The following ADAMTS12 variants were observed in gnomAD, a reference collection of about 807,000 sequenced individuals.
The protein encoded by ADAMTS12 is A disintegrin and metalloproteinase with thrombospondin motifs 12.
ADAMTS12 carries 118 observed loss-of-function variants against 167.8 expected under a neutral mutation model. The ratio of observed to expected loss-of-function variants is 0.70; its 90% CI spans 0.61 to 0.82. The LOEUF (loss-of-function observed/expected upper bound fraction) is 0.82. Among genes scored for constraint, ADAMTS12 ranks in the 40% least tolerant of loss-of-function variants. The probability of loss-of-function intolerance (pLI) is 0.00; values close to 1 mark genes in which losing one functional copy is unlikely to be tolerated. For missense variants in ADAMTS12, 1,916 were observed against 1,998.8 expected (o/e 0.96, Z 0.79); for synonymous variants, 704 against 716.9 (o/e 0.98, Z 0.29).
At chr5:33,715,356 G>C in intron 3 of ADAMTS12, among the ~76,000 whole-genome samples, 1 of 152,118 alleles carries the variant, frequency 6.6e-6, no homozygotes, top group East Asian at 1.9e-4. Flanking sequence ...TCAGACCTTA[G>C]CAAGTTTGGG....
Position 33,673,726 on chromosome 5 carries a change from C to A in ADAMTS12, c.915+9292G>T, listed in dbSNP as rs149953043. Among the ~76,000 whole-genome samples, 7 of 152,310 alleles carry A rather than the reference C, an allele frequency of 4.6e-5. No individual in the cohort carries two copies. In the East Asian group the frequency reaches 1.4e-3, roughly 29 times the overall value. On this transcript the variant is annotated intron_variant, in intron 5 of 23. Transcript: ENST00000504830. ...GAAGTCTAGCCTCCAGGAAGCTCTC[C>A]TTTCATTTGCAACCTCACGGTTTAT...
At chr5:33,731,866 A>G (rs1744207018) in intron 3 of ADAMTS12, among the ~76,000 whole-genome samples, 1 of 149,414 alleles carries the variant, frequency 6.7e-6, no homozygotes, top group Non-Finnish European at 1.5e-5. Context: ...ATATAGATAT[A>G]AGATTTATAG....
chr5:33,674,353 T>G lies in ADAMTS12; in HGVS notation c.915+8665A>C, dbSNP rs146683887. Among the ~76,000 whole-genome samples, 424 of 152,320 alleles carry G rather than the reference T, an allele frequency of 2.8e-3. 3 individuals are homozygous for G. The highest frequency in any genetic ancestry group is 9.7e-3 in the African/African-American group (405 of 41,578). Reference sequence around the variant, plus strand: ...TTCCAGTGCCTGTAATAGGAACTGCTAGTAGAAGATTCTACATGGGTGTCT... The same window carrying G: ...TTCCAGTGCCTGTAATAGGAACTGCGAGTAGAAGATTCTACATGGGTGTCT... On this transcript the variant is annotated intron_variant, in intron 5 of 23. Coordinates refer to ENST00000504830, the MANE Select transcript of ADAMTS12 (RefSeq NM_030955.4).
At chr5:33,738,935 GC>G (rs1561244687) in intron 3 of ADAMTS12, among the ~76,000 whole-genome samples, 8 of 152,326 alleles carry the variant, frequency 5.3e-5, no homozygotes, top group African/African-American at 1.9e-4. Flanking sequence ...AAGAAATGCA[GC>G]CAGGGTGCTG....
chr5:33,741,663 C>T (rs1209725079), intron 3 of ADAMTS12, among the ~76,000 whole-genome samples: 1 of 152,208 alleles, frequency 6.6e-6, no homozygotes, highest in East Asian at 1.9e-4. Context: ...GAGTCTCACT[C>T]TGTCGCCAGG....
At chr5:33,629,969 A>G (rs1407641097) in intron 13 of ADAMTS12, among the ~76,000 whole-genome samples, 1 of 152,296 alleles carries the variant, frequency 6.6e-6, no homozygotes. Flanking sequence ...ACCTAGGCAG[A>G]TACATAAAAA....
chr5:33,839,435 G>T (rs1336047959), intron 2 of ADAMTS12, among the ~76,000 whole-genome samples: 2 of 152,092 alleles, frequency 1.3e-5, no homozygotes, highest in African/African-American at 4.8e-5. Flanking sequence ...CACGCTAATT[G>T]GTGTGTGTCC....
intron 19 of ADAMTS12, among the ~76,000 whole-genome samples, chr5:33,563,046 T>G (rs909966633): frequency 6.6e-6 from 1 of 152,218 alleles, no homozygotes; most frequent in African/African-American, 2.4e-5. Context: ...AAGAGAAAAG[T>G]AGAAATTATT....
chr5:33,603,839 AC>A (rs1443449280), intron 16 of ADAMTS12: 8 of 152,230 alleles, frequency 5.3e-5, no homozygotes, highest in African/African-American at 1.9e-4. Flanking sequence ...AAACACGTAA[AC>A]AAAATTAGAT....
intron 23 of ADAMTS12, among the ~76,000 whole-genome samples, chr5:33,528,768 C>T (rs563712556): frequency 3.3e-5 from 5 of 152,168 alleles, no homozygotes; most frequent in Non-Finnish European, 5.9e-5. Flanking sequence ...GCTTCCGGGC[C>T]GGGCATGGTG....
rs5867210 is a variant in ADAMTS12, at chr5:33,751,284, TA to T, written c.634+119del. 9.1e-4 allele frequency: 881 copies of T among 965,230 alleles called. 3 individuals carry two copies. The highest frequency in any genetic ancestry group is 3.2e-3 in the East Asian group (113 of 35,442). 59.8% of individuals were successfully genotyped at this position (965,230 alleles called of 1,614,324 possible). A position where few individuals can be genotyped will look rare whatever the true frequency, so the allele number is the denominator to read the frequency against. ...AGAGATTTGAATGTCATGAAGATAT[TA>T]AAAAAAAAAGAATACAGAGGAGATA... On this transcript the variant is annotated intron_variant, in intron 3 of 23. Transcript: ENST00000504830.
In ADAMTS12 at chr5:33,745,617, G is replaced by A. The variant is rs151108675; in HGVS notation, c.634+5787C>T. On this transcript the variant is annotated intron_variant, in intron 3 of 23. Transcript: ENST00000504830. Reference sequence around the variant, plus strand: ...CAGATGTTGTGTTTCCTGGAGAGCCGTCTCCTTATTGGGGCATGGAAACCC... The same window carrying A: ...CAGATGTTGTGTTTCCTGGAGAGCCATCTCCTTATTGGGGCATGGAAACCC... Among the ~76,000 whole-genome samples the A allele has an allele frequency of 3.4e-3, 511 of 152,152 alleles. 5 individuals carry two copies. The highest frequency in any genetic ancestry group is 0.011 in the African/African-American group (462 of 41,498).
chr5:33,615,866 T>A lies in ADAMTS12; in HGVS notation c.2350A>T (p.Met784Leu). 1 of 1,614,184 alleles carries A rather than the reference T, an allele frequency of 6.2e-7. No homozygotes were observed. The highest frequency in any genetic ancestry group is 1.1e-5 in the South Asian group (1 of 91,086). Residue 784 changes from methionine to leucine, a missense_variant, in exon 15 of 24, where the codon ATG becomes TTG. Physicochemically the swap from Met to Leu is conservative, Grantham distance 15. Transcript: ENST00000504830. Reference sequence around the variant, plus strand: ...GACTCATTGGTGGGACCTGTGGCCATCAGCTTTTCCAGGTCTCCTTTCCTG... The same window carrying A: ...GACTCATTGGTGGGACCTGTGGCCAACAGCTTTTCCAGGTCTCCTTTCCTG... ...YDRKGDLEKL[M>L]ATGPTNESVW... is the part of the protein sequence containing the mutation.
chr5:33,592,749 T>C (rs888801502), intron 17 of ADAMTS12, among the ~76,000 whole-genome samples: 2 of 152,140 alleles, frequency 1.3e-5, no homozygotes, highest in African/African-American at 4.8e-5. Context: ...AAATTGGTTG[T>C]AAAAACAAGA....
chr5:33,574,602 TG>T (rs1407344500), intron 19 of ADAMTS12, among the ~76,000 whole-genome samples: 1 of 52,434 alleles, frequency 1.9e-5, no homozygotes, highest in Non-Finnish European at 3.6e-5. Context: ...TGTTGTGGGG[TG>T]GGGGGAGGGC....
intron 3 of ADAMTS12, among the ~76,000 whole-genome samples, chr5:33,712,393 A>G (rs968702863): frequency 6.6e-5 from 10 of 152,150 alleles, no homozygotes; most frequent in African/African-American, 2.4e-4. Context: ...TCAAATATAG[A>G]CAAGTAATGA....
chr5:33,664,740 G>T (rs566517295), intron 5 of ADAMTS12, among the ~76,000 whole-genome samples: 2 of 152,122 alleles, frequency 1.3e-5, no homozygotes, highest in Admixed American at 1.3e-4. Context: ...CAGCATGGAG[G>T]TTTCTCAAAA....
intron 1 of ADAMTS12, chr5:33,891,442 A>G: frequency 2.7e-6 from 1 of 376,776 alleles, no homozygotes. Flanking sequence ...AGGAGACAAA[A>G]GAGAAAAAGT....
intron 17 of ADAMTS12, among the ~76,000 whole-genome samples, chr5:33,593,797 T>C (rs1231332086): frequency 6.6e-6 from 1 of 152,174 alleles, no homozygotes; most frequent in Non-Finnish European, 1.5e-5. Context: ...TGTATATCTA[T>C]GGAACATCCT....
Sources: gnomAD v4.1 joint callset for allele counts (sites outside exome capture counted in the v4.1 genomes callset) on GRCh38, gnomAD v4.1.1 for gene constraint, MANE v1.5 for transcripts, NCBI Gene and HGNC (gene_info 2026-07-23, HGNC 2026-07-21) for gene names.